Variants in TSPAN18 observed in about 807,000 individuals in gnomAD.
The protein encoded by TSPAN18 is tetraspanin 18, also known as tetraspanin-18.
TSPAN18 carries 14 observed loss-of-function variants against 27.3 expected under a neutral mutation model. That is an observed-to-expected ratio of 0.51 (90% CI 0.34 to 0.80). The LOEUF (loss-of-function observed/expected upper bound fraction) is 0.80. Among genes scored for constraint, TSPAN18 ranks in the 30% least tolerant of loss-of-function variants. The pLI, the probability that TSPAN18 is intolerant of heterozygous loss-of-function variation, is 0.01. For synonymous variants in TSPAN18, 143 were observed against 136.5 expected (o/e 1.05, Z -0.33); for missense variants, 268 against 323.9 (o/e 0.83, Z 1.32).
chr11:44,902,181 G>C (rs1224766016), intron 3 of TSPAN18, among the ~76,000 whole-genome samples: 1 of 152,214 alleles, frequency 6.6e-6, no homozygotes, highest in African/African-American at 2.4e-5. Flanking sequence ...GACGTGATAA[G>C]AGCTGTCCAT....
At chr11:44,789,700 G>A (rs1330382833) in intron 2 of TSPAN18, among the ~76,000 whole-genome samples, 1 of 152,152 alleles carries the variant, frequency 6.6e-6, no homozygotes, top group Non-Finnish European at 1.5e-5. Context: ...GATGGTATTC[G>A]TGGAATGAGA....
chr11:44,757,042 T>C (rs955374163), intron 1 of TSPAN18, among the ~76,000 whole-genome samples: 42 of 152,244 alleles, frequency 2.8e-4, no homozygotes, highest in Admixed American at 2.6e-3. Context: ...CTTGTATTTT[T>C]AGTTGAATGT....
intron 2 of TSPAN18, among the ~76,000 whole-genome samples, chr11:44,831,662 T>A (rs1857157751): frequency 6.6e-6 from 1 of 152,186 alleles, no homozygotes; most frequent in South Asian, 2.1e-4. Flanking sequence ...CTAGGTTGAG[T>A]GTCCAGTATG....
intron 2 of TSPAN18, among the ~76,000 whole-genome samples, chr11:44,802,015 G>C (rs749746044): frequency 6.6e-6 from 1 of 152,186 alleles, no homozygotes; most frequent in Non-Finnish European, 1.5e-5. Context: ...CTGGGTGACA[G>C]AGTGAGACCT....
At position 44,917,836 on chromosome 11, in the gene TSPAN18, T is replaced by C. The variant is rs143384551; in HGVS notation, c.259-136T>C. The C allele has an allele frequency of 1.1e-5, 8 of 695,846 alleles. No individual in the cohort carries two copies. The African/African-American group carries it at 1.4e-4, about 12-fold the overall frequency. 43.1% of individuals were successfully genotyped at this position (695,846 alleles called of 1,614,324 possible). A position where few individuals can be genotyped will look rare whatever the true frequency, so the allele number is the denominator to read the frequency against. ...TGTGTTTGTTATGAAAAATGTCTGA[T>C]AGCAGTGGAGTGCCTTAATCTTACA... is the stretch of plus-strand genomic sequence containing the variant. On this transcript the variant is annotated intron_variant, in intron 5 of 9. Transcript: ENST00000520358.
intron 3 of TSPAN18, chr11:44,903,847 C>G (rs1396522775): frequency 4.4e-6 from 2 of 456,564 alleles, no homozygotes; most frequent in Non-Finnish European, 8.8e-6. Context: ...CTAGCTGTGA[C>G]CTCAGACAAG....
At chr11:44,768,581 A>T (rs1446664890) in intron 2 of TSPAN18, among the ~76,000 whole-genome samples, 1 of 151,942 alleles carries the variant, frequency 6.6e-6, no homozygotes, top group Non-Finnish European at 1.5e-5. Flanking sequence ...CTCAATCTGT[A>T]TGCCTTTTCT....
intron 3 of TSPAN18, among the ~76,000 whole-genome samples, chr11:44,890,742 CAAAAAA>C (rs60185116): frequency 1.2e-5 from 1 of 80,462 alleles, no homozygotes; most frequent in Non-Finnish European, 2.5e-5. Context: ...GACTCCAACT[CAAAAAA>C]AAAAAAAAAA....
intron 5 of TSPAN18, among the ~76,000 whole-genome samples, chr11:44,916,743 G>C (rs1033257835): frequency 5.3e-5 from 8 of 152,180 alleles, no homozygotes; most frequent in Non-Finnish European, 1.0e-4. Context: ...CAGGCAGGCA[G>C]GCAGGCGGTC....
At chr11:44,917,607 A>G (rs911777915) in intron 5 of TSPAN18, 10 of 183,600 alleles carry the variant, frequency 5.4e-5, no homozygotes, top group African/African-American at 9.4e-5. Context: ...AGCCCGTACA[A>G]CCTACCCAGA....
chr11:44,815,510 T>G (rs1335162368), intron 2 of TSPAN18, among the ~76,000 whole-genome samples: 1 of 151,948 alleles, frequency 6.6e-6, no homozygotes, highest in Non-Finnish European at 1.5e-5. Context: ...CCCTGGAGTG[T>G]GTGGTGTGTG....
intron 2 of TSPAN18, among the ~76,000 whole-genome samples, chr11:44,770,729 A>G (rs1855671796): frequency 6.6e-6 from 1 of 152,186 alleles, no homozygotes; most frequent in South Asian, 2.1e-4. Flanking sequence ...TGATGTTGGA[A>G]TCCATGGGAG....
intron 8 of TSPAN18, among the ~76,000 whole-genome samples, chr11:44,924,097 T>TTGTGTGTGTG (rs57394106): frequency 0.035 from 5,067 of 145,806 alleles, 148 homozygotes; most frequent in Admixed American, 0.064. Context: ...CCTTCTGGGG[T>TTGTGTGTGTG]TGTGTGTGTG....
chr11:44,759,694 C>A (rs927499313), intron 1 of TSPAN18, among the ~76,000 whole-genome samples: 1 of 152,196 alleles, frequency 6.6e-6, no homozygotes, highest in African/African-American at 2.4e-5. Flanking sequence ...ATTCACTACC[C>A]ATCCATCCAT....
At chr11:44,741,566 C>T (rs956505131) in intron 1 of TSPAN18, among the ~76,000 whole-genome samples, 2 of 151,764 alleles carry the variant, frequency 1.3e-5, no homozygotes, top group Non-Finnish European at 1.5e-5. Context: ...TGAGTTCGTG[C>T]GTGTCTGCTG....
chr11:44,789,668 T>C (rs1158076509), intron 2 of TSPAN18, among the ~76,000 whole-genome samples: 1 of 151,966 alleles, frequency 6.6e-6, no homozygotes, highest in East Asian at 1.9e-4. Context: ...CAGGGGTGAA[T>C]TGCGGGCCTG....
At chr11:44,813,526 T>A (rs1030578012) in intron 2 of TSPAN18, among the ~76,000 whole-genome samples, 1 of 151,964 alleles carries the variant, frequency 6.6e-6, no homozygotes, top group Non-Finnish European at 1.5e-5. Context: ...TGTCCAGGAG[T>A]GGCTGCCAAA....
At chr11:44,831,105 T>C (rs561805212) in intron 2 of TSPAN18, among the ~76,000 whole-genome samples, 1 of 152,200 alleles carries the variant, frequency 6.6e-6, no homozygotes, top group African/African-American at 2.4e-5. Flanking sequence ...ACAGCAAGAC[T>C]CTGTCTCAAA....
At chr11:44,878,112 C>T (rs543253161) in intron 3 of TSPAN18, among the ~76,000 whole-genome samples, 1 of 152,108 alleles carries the variant, frequency 6.6e-6, no homozygotes, top group South Asian at 2.1e-4. Flanking sequence ...TGCTTCCGGC[C>T]CCACTGACAA....
Sources: gnomAD v4.1 joint callset for allele counts (sites outside exome capture counted in the v4.1 genomes callset) on GRCh38, gnomAD v4.1.1 for gene constraint, MANE v1.5 for transcripts, NCBI Gene and HGNC (gene_info 2026-07-23, HGNC 2026-07-21) for gene names.